Variants in ATP9A observed in about 807,000 individuals in gnomAD.
ATP9A encodes the protein probable phospholipid-transporting ATPase IIA.
ATP9A carries 52 observed loss-of-function variants against 144.1 expected under a neutral mutation model. That is an observed-to-expected ratio of 0.36 (90% confidence interval 0.29 to 0.45). The LOEUF is 0.45. Among genes scored for constraint, ATP9A ranks in the 20% least tolerant of loss-of-function variants. ATP9A has a pLI of 1.00. For synonymous variants in ATP9A, 582 were observed against 557.4 expected, an observed-to-expected ratio of 1.04 and a Z score of -0.62; for missense variants, 947 against 1,392.7, an observed-to-expected ratio of 0.68 and a Z score of 5.09.
intron 3 of ATP9A, among the ~76,000 whole-genome samples, chr20:51,715,020 T>C (rs577926672): frequency 6.6e-6 from 1 of 152,314 alleles, no homozygotes; most frequent in South Asian, 2.1e-4. Context: ...AGTCATTCGT[T>C]TTCCTTGTCA....
At chr20:51,753,383 G>A (rs1035040979) in intron 1 of ATP9A, among the ~76,000 whole-genome samples, 6 of 151,960 alleles carry the variant, frequency 3.9e-5, no homozygotes, top group Non-Finnish European at 5.9e-5. Flanking sequence ...CTCGGAAGGC[G>A]GAGGTTGCAG....
At chr20:51,726,607 C>T (rs1568837766) in intron 2 of ATP9A, among the ~76,000 whole-genome samples, 1 of 152,032 alleles carries the variant, frequency 6.6e-6, no homozygotes, top group Non-Finnish European at 1.5e-5. Context: ...GAGACCAGGT[C>T]TCGCTCTGTC....
intron 1 of ATP9A, among the ~76,000 whole-genome samples, chr20:51,736,454 T>C (rs1263314322): frequency 2.6e-5 from 4 of 152,166 alleles, no homozygotes; most frequent in Non-Finnish European, 4.4e-5. Flanking sequence ...GGGTTTCTTT[T>C]TATGGGAATG....
chr20:51,726,459 T>C lies in ATP9A; in HGVS notation c.214-527A>G, dbSNP rs187556142. Among the ~76,000 whole-genome samples, 6 of 151,274 alleles carry C rather than the reference T, an allele frequency of 4.0e-5. No homozygotes were observed. The East Asian group carries it at 1.2e-3, about 29-fold the overall frequency. The stretch of plus-strand genomic sequence containing the variant: ...TATCATTTGTAAAAGAAAGAGTAAA[T>C]AATGATATACATGGAAATTGTAAAT... On this transcript the variant is annotated intron_variant, in intron 2 of 27. Coordinates refer to ENST00000338821, the MANE Select transcript of ATP9A (RefSeq NM_006045.3).
intron 1 of ATP9A, among the ~76,000 whole-genome samples, chr20:51,748,672 C>G (rs954285137): frequency 1.3e-5 from 2 of 152,156 alleles, no homozygotes; most frequent in South Asian, 4.1e-4. Flanking sequence ...TTTGACGATG[C>G]TATCAAAATT....
intron 15 of ATP9A, among the ~76,000 whole-genome samples, chr20:51,638,071 T>TTATATATATATATATATA (rs56043552): frequency 2.9e-4 from 10 of 34,172 alleles, no homozygotes; most frequent in East Asian, 2.1e-3. Context: ...TTTCATCATT[T>TTATATATATATATATATA]TATATATATA....
chr20:51,724,637 A>C (rs2077704429), intron 3 of ATP9A, among the ~76,000 whole-genome samples: 1 of 152,218 alleles, frequency 6.6e-6, no homozygotes, highest in Non-Finnish European at 1.5e-5. Context: ...TCTGAATGTC[A>C]GCCCCACAGG....
At chr20:51,637,547 G>T (rs150786624) in intron 15 of ATP9A, among the ~76,000 whole-genome samples, 2 of 152,092 alleles carry the variant, frequency 1.3e-5, no homozygotes, top group Non-Finnish European at 2.9e-5. Flanking sequence ...ACGAGATGCT[G>T]TAAGAGGTGG....
Position 51,617,557 on chromosome 20 carries a change from G to T in ATP9A, c.2351-3C>A. The T allele has an allele frequency of 5.0e-6, 8 of 1,611,264 alleles. No homozygotes were observed. Among genetic ancestry groups the T allele is most frequent in the Non-Finnish European group, 6.8e-6 (8 of 1,178,784 alleles). On this transcript the variant is annotated splice_polypyrimidine_tract_variant and splice_region_variant and intron_variant, in intron 21 of 27. Transcript: ENST00000338821. The stretch of plus-strand genomic sequence containing the variant: ...GCTGACGTCATTGCCTCCGTCCCCT[G>T]CGAGCCACACAGACCAGAGAGAAAA...
At chr20:51,694,256 A>G (rs2077561130) in intron 6 of ATP9A, among the ~76,000 whole-genome samples, 154 bp from the exon 7 acceptor site, 1 of 152,140 alleles carries the variant, frequency 6.6e-6, no homozygotes, top group African/African-American at 2.4e-5. Context: ...TTCTTCCATA[A>G]TAAGCTCTGG....
chr20:51,641,924 A>G (rs1216887098), intron 14 of ATP9A, among the ~76,000 whole-genome samples: 2 of 151,110 alleles, frequency 1.3e-5, no homozygotes, highest in African/African-American at 2.4e-5. Context: ...GCCCCTGTCA[A>G]CACCCTCCTA....
chr20:51,732,486 C>T (rs1425672292), intron 1 of ATP9A: 1 of 152,130 alleles, frequency 6.6e-6, no homozygotes, highest in African/African-American at 2.4e-5. Flanking sequence ...CCATCAGGAC[C>T]TTAAAGATGA....
At chr20:51,739,569 T>G (rs2077776555) in intron 1 of ATP9A, among the ~76,000 whole-genome samples, 2 of 152,032 alleles carry the variant, frequency 1.3e-5, no homozygotes, top group South Asian at 4.2e-4. Context: ...TTAGCCAGGA[T>G]GGTCTCGATC....
chr20:51,760,058 G>A (rs137861029), intron 1 of ATP9A, among the ~76,000 whole-genome samples: 108 of 152,146 alleles, frequency 7.1e-4, no homozygotes, highest in East Asian at 6.4e-3. Context: ...TTACTGCCAC[G>A]ATTTGTGCAT....
intron 14 of ATP9A, among the ~76,000 whole-genome samples, chr20:51,641,831 CAA>C (rs1218133688): frequency 5.0e-5 from 4 of 79,676 alleles, no homozygotes; most frequent in South Asian, 6.5e-4. Flanking sequence ...AACTCCATCT[CAA>C]AAAAAAAAAA....
chr20:51,621,713 G>T (rs1424683768), intron 19 of ATP9A, among the ~76,000 whole-genome samples: 2 of 152,034 alleles, frequency 1.3e-5, no homozygotes, highest in East Asian at 3.9e-4. Flanking sequence ...TGACTTTCAG[G>T]GGTTCCGTGA....
chr20:51,752,926 A>G (rs1476145773), intron 1 of ATP9A, among the ~76,000 whole-genome samples: 1 of 152,132 alleles, frequency 6.6e-6, no homozygotes, highest in Non-Finnish European at 1.5e-5. Context: ...AACATGGTCA[A>G]ACCCTGTCTC....
At chr20:51,743,804 C>T (rs980105788) in intron 1 of ATP9A, among the ~76,000 whole-genome samples, 5 of 150,774 alleles carry the variant, frequency 3.3e-5, no homozygotes, top group South Asian at 2.1e-4. Context: ...GTCAAGAGAT[C>T]GAGACCATCC....
intron 10 of ATP9A, among the ~76,000 whole-genome samples, chr20:51,675,122 T>C (rs1184438345): frequency 6.6e-6 from 1 of 152,146 alleles, no homozygotes; most frequent in Non-Finnish European, 1.5e-5. Flanking sequence ...CTGGACATTA[T>C]TATTTTAATA....
Sources: allele counts gnomAD v4.1 joint callset (sites outside exome capture counted in the v4.1 genomes callset), GRCh38; gene constraint gnomAD v4.1.1; transcripts MANE v1.5; gene names NCBI Gene and HGNC (gene_info 2026-07-23, HGNC 2026-07-21).